Variants in COL26A1 observed in about 807,000 individuals in gnomAD.
COL26A1 encodes the protein collagen alpha-1(XXVI) chain.
COL26A1 carries 41 observed loss-of-function variants against 59.3 expected under a neutral mutation model. The observed-to-expected ratio is 0.69, with a 90% confidence interval of 0.54 to 0.90. The LOEUF (loss-of-function observed/expected upper bound fraction) is 0.90. COL26A1 is among the 40% of genes least tolerant of loss of function. The pLI is 0.00. For synonymous variants in COL26A1, 266 were observed against 256.0 expected (o/e 1.04, Z -0.37); for missense variants, 612 against 602.3 (o/e 1.02, Z -0.17).
At chr7:101,444,853 A>T (rs373071163) in intron 2 of COL26A1, among the ~76,000 whole-genome samples, 2 of 135,802 alleles carry the variant, frequency 1.5e-5, no homozygotes, top group African/African-American at 5.1e-5. Flanking sequence ...TTGTTTGTTT[A>T]TTTTTTTTGA....
intron 3 of COL26A1, among the ~76,000 whole-genome samples, chr7:101,469,045 A>G (rs114375255): frequency 0.02 from 3,006 of 152,222 alleles, 110 homozygotes; most frequent in African/African-American, 0.068. Flanking sequence ...CTGATCTTCT[A>G]TGATCTGGCA....
intron 1 of COL26A1, among the ~76,000 whole-genome samples, chr7:101,382,724 G>T (rs2117032285): frequency 6.6e-6 from 1 of 152,116 alleles, no homozygotes; most frequent in East Asian, 1.9e-4. Context: ...TTTTGATCAG[G>T]GTGTGTTAAA....
chr7:101,503,198 C>T (rs761615846), intron 3 of COL26A1, among the ~76,000 whole-genome samples: 12 of 152,188 alleles, frequency 7.9e-5, no homozygotes, highest in Non-Finnish European at 1.5e-4. Flanking sequence ...GGTCCCCTCT[C>T]GCCTCTGTTC....
chr7:101,428,408 T>C (rs1369780763), intron 2 of COL26A1, among the ~76,000 whole-genome samples: 1 of 151,288 alleles, frequency 6.6e-6, no homozygotes, highest in East Asian at 1.9e-4. Flanking sequence ...AGAATGGGCA[T>C]TGCAACGGGA....
chr7:101,516,473 G>A (rs1224122795), intron 3 of COL26A1, among the ~76,000 whole-genome samples: 1 of 151,964 alleles, frequency 6.6e-6, no homozygotes, highest in East Asian at 1.9e-4. Context: ...GGTCTCACTA[G>A]GTTGCCCCAC....
At chr7:101,463,869 T>TTTTCTTTTCTTTCTTTC (rs1554416085) in intron 3 of COL26A1, among the ~76,000 whole-genome samples, 2 of 91,692 alleles carry the variant, frequency 2.2e-5, no homozygotes, top group East Asian at 3.0e-4. Context: ...CTCTTTTTTC[T>TTTTCTTTTCTTTCTTTC]TTTCTTTCTT....
At chr7:101,458,182 A>G (rs1346456933) in intron 3 of COL26A1, among the ~76,000 whole-genome samples, 1 of 152,092 alleles carries the variant, frequency 6.6e-6, no homozygotes, top group Non-Finnish European at 1.5e-5. Flanking sequence ...AGGGTTAGCC[A>G]TGGCACTTGG....
At chr7:101,491,080 GC>G (rs1794449061) in intron 3 of COL26A1, among the ~76,000 whole-genome samples, 3 of 150,426 alleles carry the variant, frequency 2.0e-5, no homozygotes, top group African/African-American at 7.3e-5. Flanking sequence ...AATGTGTGAG[GC>G]AAAAAAAAAA....
intron 1 of COL26A1, among the ~76,000 whole-genome samples, chr7:101,398,554 C>T (rs1791912671): frequency 6.6e-6 from 1 of 152,190 alleles, no homozygotes; most frequent in Non-Finnish European, 1.5e-5. Context: ...TCTAAGATGT[C>T]ATAGGTCTCC....
At chr7:101,436,124 C>A (rs928782280) in intron 2 of COL26A1, among the ~76,000 whole-genome samples, 2 of 152,134 alleles carry the variant, frequency 1.3e-5, no homozygotes, top group African/African-American at 4.8e-5. Flanking sequence ...CCGCACCGCC[C>A]CCAGGTGGAC....
chr7:101,461,931 T>G (rs1317775969), intron 3 of COL26A1, among the ~76,000 whole-genome samples: 1 of 151,780 alleles, frequency 6.6e-6, no homozygotes, highest in Non-Finnish European at 1.5e-5. Context: ...GATTGGGTTT[T>G]GCCTCTGCTT....
intron 3 of COL26A1, among the ~76,000 whole-genome samples, chr7:101,448,927 A>G (rs1337675203): frequency 1.3e-5 from 2 of 152,242 alleles, no homozygotes; most frequent in East Asian, 1.9e-4. Flanking sequence ...TAAACTGTCT[A>G]AAGAGCTCTT....
chr7:101,387,772 A>ATTTTTTTTTT (rs1374717696), intron 1 of COL26A1, among the ~76,000 whole-genome samples: 6 of 42,514 alleles, frequency 1.4e-4, no homozygotes, highest in Non-Finnish European at 4.8e-5. Flanking sequence ...ATATATATAT[A>ATTTTTTTTTT]TATATATTTT....
At chr7:101,376,306 C>CA (rs1478520920) in intron 1 of COL26A1, among the ~76,000 whole-genome samples, 3 of 151,956 alleles carry the variant, frequency 2.0e-5, no homozygotes, top group East Asian at 1.9e-4. Flanking sequence ...GACCCTGTCT[C>CA]AAAAAAAGTC....
At chr7:101,512,193 G>A (rs1234370021) in intron 3 of COL26A1, among the ~76,000 whole-genome samples, 1 of 152,090 alleles carries the variant, frequency 6.6e-6, no homozygotes, top group Non-Finnish European at 1.5e-5. Flanking sequence ...AGGAGGTTGG[G>A]CTCCTCTGTT....
intron 2 of COL26A1, among the ~76,000 whole-genome samples, chr7:101,435,180 C>T (rs1792885803): frequency 6.6e-5 from 10 of 152,150 alleles, no homozygotes; most frequent in Admixed American, 6.6e-4. Flanking sequence ...CAAAAATTAG[C>T]CAGGTGTGAT....
At position 101,489,660 on chromosome 7, in the gene COL26A1, T is replaced by TCTTTCTTTCTTTCTTC. The variant is rs1491503013; in HGVS notation, c.385+41876_385+41877insTCTTTCTTTCTTCCTT. ...TTCTTTCTTTCTTTCTTTCTTTCTT[T>TCTTTCTTTCTTTCTTC]CTTCCTTCCTTCCTTCCTTCCTTTC... On this transcript the variant is annotated intron_variant, in intron 3 of 12. Coordinates refer to ENST00000313669, the MANE Select transcript of COL26A1 (RefSeq NM_001278563.3). Among the ~76,000 whole-genome samples the TCTTTCTTTCTTTCTTC allele has an allele frequency of 1.8e-3, 87 of 48,642 alleles. 14 individuals carry two copies. The highest frequency in any genetic ancestry group is 3.4e-3 in the South Asian group (5 of 1,484). The allele number at this position is 48,642 out of a possible 152,430, so 31.9% of individuals were successfully genotyped here.
chr7:101,367,727 A>G (rs962441191), intron 1 of COL26A1, among the ~76,000 whole-genome samples: 1 of 151,822 alleles, frequency 6.6e-6, no homozygotes, highest in African/African-American at 2.4e-5. Flanking sequence ...TTGCCATGTG[A>G]GGACACAGCA....
chr7:101,480,497 T>C (rs1794132484), intron 3 of COL26A1, among the ~76,000 whole-genome samples: 1 of 152,128 alleles, frequency 6.6e-6, no homozygotes, highest in Non-Finnish European at 1.5e-5. Flanking sequence ...TTTTAATTTA[T>C]TTTTGTTTGT....
Sources: gnomAD v4.1 joint callset for allele counts (sites outside exome capture counted in the v4.1 genomes callset) on GRCh38, gnomAD v4.1.1 for gene constraint, MANE v1.5 for transcripts, NCBI Gene and HGNC (gene_info 2026-07-23, HGNC 2026-07-21) for gene names.